MACF1: variants seen among roughly 807,000 people sequenced by gnomAD.
MACF1 encodes the protein microtubule actin crosslinking factor 1.
MACF1 carries 193 observed loss-of-function variants against 854.8 expected under a neutral mutation model. The ratio of observed to expected loss-of-function variants is 0.23; its 90% CI spans 0.20 to 0.25. MACF1 has a LOEUF of 0.25. Among genes scored for constraint, MACF1 ranks in the 10% least tolerant of loss-of-function variants. The pLI is 1.00. For synonymous variants in MACF1, 3,185 were observed against 3,226.7 expected, an observed-to-expected ratio of 0.99 and a Z score of 0.44; for missense variants, 7,722 against 8,929.1, an observed-to-expected ratio of 0.86 and a Z score of 5.45.
chr1:39,289,693 C>CTTTTTTTTTTTTTTTTTT lies in MACF1; in HGVS notation c.1785+2146_1785+2163dup, dbSNP rs58188740. On this transcript the variant is annotated intron_variant, in intron 15 of 100. Coordinates refer to ENST00000564288, the MANE Select transcript of MACF1 (RefSeq NM_001394062.1). ...ATTTTCTCCCATTCTGTGGGTTGTC[C>CTTTTTTTTTTTTTTTTTT]TTTTTTTTTTTTTTTTTTTTTTTTT... Among the ~76,000 whole-genome samples, 43 of 28,966 alleles carry CTTTTTTTTTTTTTTTTTT rather than the reference C, an allele frequency of 1.5e-3. 18 individuals carry two copies. The highest frequency in any genetic ancestry group is 2.8e-3 in the East Asian group (2 of 724). The allele number at this position is 28,966 out of a possible 152,430, so 19.0% of individuals were successfully genotyped here.
chr1:39,388,777 AC>A (rs1641895986), intron 58 of MACF1, 119 bp downstream of exon 58: 19 of 910,380 alleles, frequency 2.1e-5, no homozygotes, highest in Non-Finnish European at 3.0e-5. Flanking sequence ...CACTTCCATC[AC>A]CATGAAAGCA....
intron 2 of MACF1, among the ~76,000 whole-genome samples, chr1:39,144,085 T>TG (rs1465853665): frequency 6.7e-6 from 1 of 148,642 alleles, no homozygotes; most frequent in African/African-American, 2.5e-5. Flanking sequence ...CGGCGCTTTT[T>TG]TTTTTTTTTT....
chr1:39,295,903 T>C, intron 20 of MACF1, 21 bp downstream of exon 20: 1 of 1,527,148 alleles, frequency 6.5e-7, no homozygotes, highest in Non-Finnish European at 9.0e-7. Flanking sequence ...TTTCTGTGTT[T>C]GTGTGTGTGT....
chr1:39,251,946 G>T lies in MACF1; in HGVS notation c.357+5G>T. On this transcript the variant is annotated splice_donor_5th_base_variant and intron_variant, in intron 4 of 100. Transcript: ENST00000564288. ...GAGGAAGATGATGATGATGTAGTAG[G>T]TCCTCCTGGGGATGCCAGCATCCCA... 2 of 1,497,858 alleles carry T rather than the reference G, an allele frequency of 1.3e-6. No individual in the cohort carries two copies. Among genetic ancestry groups the T allele is most frequent in the Non-Finnish European group, 1.8e-6 (2 of 1,127,746 alleles). 92.8% of individuals were successfully genotyped at this position (1,497,858 alleles called of 1,614,324 possible). A position where few individuals can be genotyped will look rare whatever the true frequency, so the allele number is the denominator to read the frequency against.
intron 2 of MACF1, among the ~76,000 whole-genome samples, chr1:39,165,088 A>G (rs889227645): frequency 6.6e-6 from 1 of 152,214 alleles, no homozygotes; most frequent in Non-Finnish European, 1.5e-5. Flanking sequence ...AAGAAGGCAC[A>G]TGTGTAGGAC....
intron 2 of MACF1, among the ~76,000 whole-genome samples, chr1:39,190,074 A>T (rs997061507): frequency 2.6e-5 from 4 of 152,156 alleles, no homozygotes; most frequent in Admixed American, 1.3e-4. Context: ...TGGACCTATA[A>T]TCGTCTCTAG....
chr1:39,200,774 A>C (rs1013412968), upstream of MACF1, among the ~76,000 whole-genome samples: 2 of 151,270 alleles, frequency 1.3e-5, no homozygotes, highest in South Asian at 4.2e-4. Context: ...TCAATTGTCT[A>C]TTCAAAGTTC....
At chr1:39,404,149 G>GTAAGTAAATAAATAAATAAA (rs565389591) in intron 58 of MACF1, among the ~76,000 whole-genome samples, 4 of 148,442 alleles carry the variant, frequency 2.7e-5, no homozygotes, top group African/African-American at 1.0e-4. Context: ...AAATAAGTAA[G>GTAAGTAAATAAATAAATAAA]TAAATAAATA....
intron 11 of MACF1, 41 bp downstream of exon 11, chr1:39,284,469 G>T: frequency 7.4e-7 from 1 of 1,350,846 alleles, no homozygotes; most frequent in South Asian, 1.4e-5. Flanking sequence ...GGGTTTGCTG[G>T]TCTGTACTGT....
At chr1:39,481,069 C>A in intron 99 of MACF1, 39 bp downstream of exon 99, 2 of 1,297,256 alleles carry the variant, frequency 1.5e-6, no homozygotes, top group Non-Finnish European at 2.2e-6. Flanking sequence ...ACAGTCAAGA[C>A]GAGGCCCTCG....
Position 39,363,732 on chromosome 1 carries a change from C to T in MACF1, c.12771+2055C>T, listed in dbSNP as rs960697993. ...GGTTCAAGTGATTCTCCTGCCTCAG[C>T]CTCCCAAGAAGCTGGGATTATAGGT... On this transcript the variant is annotated intron_variant, in intron 49 of 100. Coordinates refer to ENST00000564288, the MANE Select transcript of MACF1 (RefSeq NM_001394062.1). Among the ~76,000 whole-genome samples, 10 of 152,046 alleles carry T rather than the reference C, an allele frequency of 6.6e-5. 1 individual carries two copies. In the East Asian group the frequency reaches 1.4e-3, roughly 21 times the overall value.
At chr1:39,286,989 C>T (rs1406884219) in intron 14 of MACF1, among the ~76,000 whole-genome samples, 1 of 151,872 alleles carries the variant, frequency 6.6e-6, no homozygotes, top group South Asian at 2.1e-4. Context: ...GAGACAAGGT[C>T]TTGCTCTGTC....
At chr1:39,268,706 T>C in intron 6 of MACF1, 1 of 1,276,102 alleles carries the variant, frequency 7.8e-7, no homozygotes, top group African/African-American at 1.5e-5. Context: ...AAATGGGAAA[T>C]TCACTGGGCT....
In MACF1 at chr1:39,331,172, CTTTTTTTTT is replaced by C. The variant is rs71060310; in HGVS notation, c.4615-11_4615-3del. On this transcript the variant is annotated intron_variant, in intron 36 of 100. Transcript: ENST00000564288. ...TCAGTTTTCTTTTTCTTCTCTTTTC[CTTTTTTTTT>C]TTTTTTTTTTTTTTTTTTTAGGAAT... 5.7e-4 allele frequency: 737 copies of C among 1,298,712 alleles called. 1 individual carries two copies. The highest frequency in any genetic ancestry group is 9.1e-4 in the Admixed American group (25 of 27,524). The allele number at this position is 1,298,712 out of a possible 1,614,324, so 80.4% of individuals were successfully genotyped here.
At position 39,442,248 on chromosome 1, in the gene MACF1, CATT is replaced by C. The variant is rs780661343; in HGVS notation, c.18879_18881del (p.Ile6294del). ...AAGCTACTGATGAGACGGACAGAGA[CATT>C]ATACGAGAACCACTGACAGAACTCA... is the stretch of plus-strand genomic sequence containing the variant. On this transcript the variant is annotated inframe_deletion, in exon 76 of 101. Transcript: ENST00000564288. The C allele has an allele frequency of 3.7e-6, 6 of 1,610,058 alleles. No individual in the cohort carries two copies. The highest frequency in any genetic ancestry group is 3.4e-5 in the Admixed American group (2 of 58,606).
In MACF1 at chr1:39,194,336, CT is replaced by C. The variant is rs1644291395; in HGVS notation, c.221-36842del. ...AGTGGAATTTCTTTTCTTTTCTTTTCTTTTCTTTTCTTTTCTTTTTTTTTTT... is the reference window on the plus strand; with the variant it reads ...AGTGGAATTTCTTTTCTTTTCTTTTCTTTCTTTTCTTTTCTTTTTTTTTTT... On this transcript the variant is annotated intron_variant, in intron 2 of 93. Coordinates refer to the MACF1 transcript ENST00000361689. Among the ~76,000 whole-genome samples the C allele has an allele frequency of 4.9e-5, 3 of 61,326 alleles. No individual in the cohort carries two copies. The South Asian group carries it at 1.3e-3, about 26-fold the overall frequency. The allele number at this position is 61,326 out of a possible 152,430, so 40.2% of individuals were successfully genotyped here. A position where few individuals can be genotyped will look rare whatever the true frequency, so the allele number is the denominator to read the frequency against.
At chr1:39,144,876 G>A (rs1236109661) in intron 2 of MACF1, among the ~76,000 whole-genome samples, 2 of 152,118 alleles carry the variant, frequency 1.3e-5, no homozygotes, top group Non-Finnish European at 2.9e-5. Context: ...AGACATCCCA[G>A]AATCTGGTCA....
In MACF1 at chr1:39,385,421, A is replaced by G. The variant is rs1458686130; in HGVS notation, c.13849-13A>G. The G allele has an allele frequency of 6.2e-7, 1 of 1,610,610 alleles. No individual in the cohort carries two copies. Among genetic ancestry groups the G allele is most frequent in the African/African-American group, 1.3e-5 (1 of 74,692 alleles). ...TTTCCTGTCTAAACATCTTGGTGTCATTTCTATTTCAGTTTATGCTAAAGG... is the reference window on the plus strand; with the variant it reads ...TTTCCTGTCTAAACATCTTGGTGTCGTTTCTATTTCAGTTTATGCTAAAGG... On this transcript the variant is annotated splice_polypyrimidine_tract_variant and intron_variant, in intron 56 of 100. Transcript: ENST00000564288.
intron 6 of MACF1, chr1:39,268,810 A>C: frequency 7.8e-7 from 1 of 1,289,838 alleles, no homozygotes; most frequent in African/African-American, 1.5e-5. Flanking sequence ...TGGAGAGGGA[A>C]GAAAATCCCT....
Sources: allele counts gnomAD v4.1 joint callset (sites outside exome capture counted in the v4.1 genomes callset), GRCh38; gene constraint gnomAD v4.1.1; transcripts MANE v1.5; gene names NCBI Gene and HGNC (gene_info 2026-07-23, HGNC 2026-07-21).